ARL15: variants seen among roughly 807,000 people sequenced by gnomAD.
ARL15 encodes the protein ARF like GTPase 15.
Under a neutral mutation model 25.2 loss-of-function variants are expected in ARL15, and 19 were observed. The observed-to-expected ratio is 0.75, with a 90% CI of 0.53 to 1.10. The LOEUF is 1.10. Ranked by LOEUF, ARL15 falls within the 50% of genes least tolerant of loss-of-function variation. The pLI, the probability that ARL15 is intolerant of heterozygous loss-of-function variation, is 0.00. For missense variants in ARL15, 220 were observed against 246.0 expected, an observed-to-expected ratio of 0.89 and a Z score of 0.71; for synonymous variants, 94 against 86.8, an observed-to-expected ratio of 1.08 and a Z score of -0.46.
intron 1 of ARL15, among the ~76,000 whole-genome samples, chr5:54,192,829 CT>C (rs1478762984): frequency 1.3e-5 from 2 of 152,110 alleles, no homozygotes; most frequent in African/African-American, 4.8e-5. Flanking sequence ...AAGATGAATG[CT>C]TCTGAGTAGT....
chr5:54,073,016 C>T (rs1168729484), intron 4 of ARL15, among the ~76,000 whole-genome samples: 2 of 152,078 alleles, frequency 1.3e-5, no homozygotes, highest in South Asian at 2.1e-4. Flanking sequence ...GGTTTAAAGC[C>T]AAATTGGTTA....
In ARL15 at chr5:54,018,810, T is replaced by C. The variant is rs116250075; in HGVS notation, c.462+94392A>G. Among the ~76,000 whole-genome samples, 431 of 152,308 alleles carry C rather than the reference T, an allele frequency of 2.8e-3. 1 individual carries two copies. Among genetic ancestry groups the C allele is most frequent in the African/African-American group, 1.0e-2 (414 of 41,564 alleles). On this transcript the variant is annotated intron_variant, in intron 4 of 4. Coordinates refer to ENST00000504924, the MANE Select transcript of ARL15 (RefSeq NM_019087.3). ...CAAACCGTAAAGTCTAGCCTTAACTTGGGGAAGAGAAGTAACAAACATGTA... is the reference window on the plus strand; with the variant it reads ...CAAACCGTAAAGTCTAGCCTTAACTCGGGGAAGAGAAGTAACAAACATGTA...
intron 4 of ARL15, among the ~76,000 whole-genome samples, chr5:53,985,108 T>G (rs1748248261): frequency 6.6e-6 from 1 of 151,680 alleles, no homozygotes; most frequent in African/African-American, 2.4e-5. Flanking sequence ...ACATAGAGGG[T>G]GAGTACATGC....
intron 3 of ARL15, among the ~76,000 whole-genome samples, chr5:54,147,777 C>T (rs1394759997): frequency 3.3e-5 from 5 of 152,204 alleles, no homozygotes; most frequent in South Asian, 2.1e-4. Flanking sequence ...CTCCACCTGT[C>T]CCTCAAAGCA....
intron 1 of ARL15, among the ~76,000 whole-genome samples, chr5:54,213,222 G>A (rs946905395): frequency 6.6e-6 from 1 of 152,176 alleles, no homozygotes; most frequent in Non-Finnish European, 1.5e-5. Context: ...AAACACACGT[G>A]TAAGAAGGGT....
intron 1 of ARL15, among the ~76,000 whole-genome samples, chr5:54,222,355 C>T (rs1756402018): frequency 6.6e-6 from 1 of 152,150 alleles, no homozygotes; most frequent in African/African-American, 2.4e-5. Flanking sequence ...AGCTAAGATT[C>T]TATTTAGTCA....
intron 4 of ARL15, among the ~76,000 whole-genome samples, chr5:53,979,176 G>A (rs921728066): frequency 3.3e-5 from 5 of 152,146 alleles, no homozygotes; most frequent in East Asian, 1.9e-4. Flanking sequence ...ATTATTATAC[G>A]TTACAATACC....
chr5:53,997,507 A>C (rs551069134), intron 4 of ARL15, among the ~76,000 whole-genome samples: 3 of 152,120 alleles, frequency 2.0e-5, no homozygotes, highest in Admixed American at 6.6e-5. Flanking sequence ...TCACCTGATA[A>C]TTTTCAATAA....
chr5:54,114,418 A>AAAAAAAAAAAAAAAAAAAC (rs1432474611), intron 3 of ARL15, among the ~76,000 whole-genome samples: 5 of 148,124 alleles, frequency 3.4e-5, no homozygotes, highest in South Asian at 2.1e-4. Flanking sequence ...AAAAAAAAAA[A>AAAAAAAAAAAAAAAAAAAC]AAAAGCAACA....
At chr5:54,108,657 T>C (rs1752653267) in intron 4 of ARL15, among the ~76,000 whole-genome samples, 1 of 152,116 alleles carries the variant, frequency 6.6e-6, no homozygotes, top group Non-Finnish European at 1.5e-5. Context: ...AATGATCTGT[T>C]ATCAAGCAAT....
chr5:53,991,563 G>GAAAAAAAAAAAAAAAAAAA, intron 4 of ARL15, among the ~76,000 whole-genome samples: 1 of 127,918 alleles, frequency 7.8e-6, no homozygotes, highest in Non-Finnish European at 1.6e-5. Flanking sequence ...AAAAAAAAAG[G>GAAAAAAAAAAAAAAAAAAA]GGGGGCGGGG....
chr5:54,132,802 C>T (rs962466192), intron 3 of ARL15, among the ~76,000 whole-genome samples: 4 of 152,084 alleles, frequency 2.6e-5, no homozygotes, highest in Non-Finnish European at 5.9e-5. Flanking sequence ...GCAGTGAGAA[C>T]GACCAGAGGT....
At chr5:54,109,640 GTTACAA>G (rs1460703280) in intron 4 of ARL15, among the ~76,000 whole-genome samples, 1 of 151,910 alleles carries the variant, frequency 6.6e-6, no homozygotes, top group Non-Finnish European at 1.5e-5. Flanking sequence ...AAACAAATTA[GTTACAA>G]TTACAATTCA....
intron 4 of ARL15, among the ~76,000 whole-genome samples, chr5:54,067,722 C>G (rs901424498): frequency 3.9e-5 from 6 of 152,252 alleles, no homozygotes; most frequent in African/African-American, 1.4e-4. Context: ...CTCCAGTAAA[C>G]AGCACATTGC....
Position 53,977,004 on chromosome 5 carries a change from G to A in ARL15, c.463-90291C>T, listed in dbSNP as rs144092265. Among the ~76,000 whole-genome samples the A allele has an allele frequency of 3.8e-3, 571 of 152,212 alleles. 2 individuals are homozygous for A. The highest frequency in any genetic ancestry group is 6.8e-3 in the Middle Eastern group (2 of 294). ...ACCAAGAGACTAACAAAATAGTTTTGTTAACTTTTATCTCCAAATTATAAT... is the reference window on the plus strand; with the variant it reads ...ACCAAGAGACTAACAAAATAGTTTTATTAACTTTTATCTCCAAATTATAAT... On this transcript the variant is annotated intron_variant, in intron 4 of 4. Coordinates refer to ENST00000504924, the MANE Select transcript of ARL15 (RefSeq NM_019087.3).
At chr5:54,107,737 G>A (rs1752632056) in intron 4 of ARL15, among the ~76,000 whole-genome samples, 2 of 152,018 alleles carry the variant, frequency 1.3e-5, no homozygotes, top group Non-Finnish European at 2.9e-5. Flanking sequence ...AGGAATGGGG[G>A]TTTTAAAAGA....
chr5:54,302,683 A>AAT (rs1758644960), intron 1 of ARL15, among the ~76,000 whole-genome samples: 1 of 77,850 alleles, frequency 1.3e-5, no homozygotes, highest in Non-Finnish European at 2.2e-5. Context: ...TAAAATTAAG[A>AAT]TTTTTTTTTT....
intron 1 of ARL15, among the ~76,000 whole-genome samples, chr5:54,297,323 G>C (rs1758493027): frequency 6.6e-6 from 1 of 152,214 alleles, no homozygotes; most frequent in Admixed American, 6.5e-5. Context: ...GCAGAGAATT[G>C]GTAGTTTGAA....
chr5:53,948,042 A>G (rs2112107207), intron 4 of ARL15, among the ~76,000 whole-genome samples: 1 of 152,348 alleles, frequency 6.6e-6, no homozygotes, highest in South Asian at 2.1e-4. Flanking sequence ...AGGAAACAAT[A>G]AATTAAACAA....
Sources: allele counts gnomAD v4.1 joint callset (sites outside exome capture counted in the v4.1 genomes callset), GRCh38; gene constraint gnomAD v4.1.1; transcripts MANE v1.5; gene names NCBI Gene and HGNC (gene_info 2026-07-23, HGNC 2026-07-21).